TMCC1: variants seen among roughly 807,000 people sequenced by gnomAD.
The protein encoded by TMCC1 is transmembrane and coiled-coil domains protein 1.
In TMCC1, 15 loss-of-function variants were observed where a neutral mutation model predicts 52.4. That is an observed-to-expected ratio of 0.29 (90% CI 0.19 to 0.44). The LOEUF is 0.44. TMCC1 is among the 20% of genes least tolerant of loss of function. The pLI, the probability that TMCC1 is intolerant of heterozygous loss-of-function variation, is 1.00. For missense variants in TMCC1, 503 were observed against 806.0 expected, an observed-to-expected ratio of 0.62 and a Z score of 4.55; for synonymous variants, 279 against 301.9, an observed-to-expected ratio of 0.92 and a Z score of 0.79.
intron 4 of TMCC1, among the ~76,000 whole-genome samples, chr3:129,723,354 CTTTTT>C (rs2049786830): frequency 8.9e-6 from 1 of 112,900 alleles, no homozygotes; most frequent in Admixed American, 8.9e-5. Flanking sequence ...ACTAAGAAAT[CTTTTT>C]CTTTTTTTTT....
intron 4 of TMCC1, among the ~76,000 whole-genome samples, chr3:129,726,440 C>T (rs2050091841): frequency 6.6e-6 from 1 of 152,192 alleles, no homozygotes; most frequent in African/African-American, 2.4e-5. Context: ...TCTCGCTCTA[C>T]AGTCTAGCTA....
intron 4 of TMCC1, among the ~76,000 whole-genome samples, chr3:129,797,101 G>A (rs554300345): frequency 1.3e-5 from 2 of 151,872 alleles, no homozygotes; most frequent in East Asian, 2.0e-4. Context: ...TGAGGCAGGT[G>A]GATCACGAGG....
intron 4 of TMCC1, among the ~76,000 whole-genome samples, chr3:129,792,242 T>C (rs1171171502): frequency 1.3e-5 from 2 of 151,286 alleles, no homozygotes; most frequent in East Asian, 3.9e-4. Context: ...TCATTTTGAG[T>C]GTTCAATATG....
At chr3:129,688,240 A>T (rs566899372) in intron 4 of TMCC1, 6 of 985,194 alleles carry the variant, frequency 6.1e-6, no homozygotes, top group Non-Finnish European at 7.2e-6. Flanking sequence ...TCATTTGTGC[A>T]CTGCCAGAGA....
chr3:129,780,728 T>A lies in TMCC1; in HGVS notation c.576+47075A>T, dbSNP rs561911959. On this transcript the variant is annotated intron_variant, in intron 4 of 6. Coordinates refer to ENST00000393238, the MANE Select transcript of TMCC1 (RefSeq NM_001017395.5). ...ATGTCCTTCCTACATCTTATTTTCATTAAATTCTATTAATCCTTCCTTCTA... is the reference window on the plus strand; with the variant it reads ...ATGTCCTTCCTACATCTTATTTTCAATAAATTCTATTAATCCTTCCTTCTA... 3.9e-5 allele frequency among the ~76,000 whole-genome samples: 6 copies of A among 152,242 alleles called. No individual in the cohort carries two copies. The South Asian group carries it at 1.2e-3, about 32-fold the overall frequency.
chr3:129,867,272 T>C (rs902595219), intron 2 of TMCC1, among the ~76,000 whole-genome samples: 2 of 152,172 alleles, frequency 1.3e-5, no homozygotes, highest in Non-Finnish European at 2.9e-5. Flanking sequence ...AAATGTACGA[T>C]TCAAGTATCT....
intron 4 of TMCC1, among the ~76,000 whole-genome samples, chr3:129,684,537 A>C (rs1307551486): frequency 6.6e-6 from 1 of 152,188 alleles, no homozygotes; most frequent in East Asian, 1.9e-4. Context: ...ACTGAAAAAT[A>C]CTAGATGGAT....
chr3:129,833,454 C>T (rs2059012975), intron 2 of TMCC1, among the ~76,000 whole-genome samples: 1 of 152,142 alleles, frequency 6.6e-6, no homozygotes, highest in African/African-American at 2.4e-5. Flanking sequence ...CCTGTAGTCC[C>T]AGCTACTTGG....
At chr3:129,743,718 G>A (rs1490935441) in intron 4 of TMCC1, among the ~76,000 whole-genome samples, 1 of 152,098 alleles carries the variant, frequency 6.6e-6, no homozygotes, top group African/African-American at 2.4e-5. Flanking sequence ...GGCTACGATA[G>A]CTGGCAAATA....
chr3:129,727,091 ATC>A (rs1306048807), intron 4 of TMCC1, among the ~76,000 whole-genome samples: 2 of 151,888 alleles, frequency 1.3e-5, no homozygotes, highest in African/African-American at 4.8e-5. Flanking sequence ...TGTCATACCA[ATC>A]TGTTTTTTTA....
At chr3:129,879,057 T>C (rs1021430614) in intron 2 of TMCC1, among the ~76,000 whole-genome samples, 2 of 152,208 alleles carry the variant, frequency 1.3e-5, no homozygotes, top group African/African-American at 4.8e-5. Context: ...ACTCAACCCC[T>C]TCCCCTCAAT....
intron 4 of TMCC1, among the ~76,000 whole-genome samples, chr3:129,804,009 C>G (rs939312399): frequency 1.3e-5 from 2 of 152,030 alleles, no homozygotes; most frequent in African/African-American, 4.8e-5. Flanking sequence ...ATGCCCAGAG[C>G]ACGTTGAACA....
intron 4 of TMCC1, among the ~76,000 whole-genome samples, chr3:129,723,355 T>C (rs1015081206): frequency 7.4e-6 from 1 of 135,536 alleles, no homozygotes; most frequent in Non-Finnish European, 1.5e-5. Flanking sequence ...CTAAGAAATC[T>C]TTTTCTTTTT....
chr3:129,653,512 C>G (rs747302954), intron 6 of TMCC1, among the ~76,000 whole-genome samples: 6 of 152,226 alleles, frequency 3.9e-5, no homozygotes, highest in African/African-American at 2.4e-5. Context: ...GGCGCGATCT[C>G]AGCTCACTGC....
chr3:129,726,074 G>T (rs762330497), intron 4 of TMCC1, among the ~76,000 whole-genome samples: 9 of 152,120 alleles, frequency 5.9e-5, no homozygotes, highest in Non-Finnish European at 1.0e-4. Context: ...TGTATGTACA[G>T]GTACAGACTT....
At chr3:129,772,729 A>C (rs2054702014) in intron 4 of TMCC1, among the ~76,000 whole-genome samples, 4 of 151,354 alleles carry the variant, frequency 2.6e-5, no homozygotes, top group Non-Finnish European at 4.4e-5. Context: ...CCTCAAAAAA[A>C]AAAAAAAAAA....
chr3:129,872,177 C>T (rs1010450857), intron 2 of TMCC1, among the ~76,000 whole-genome samples: 1 of 152,228 alleles, frequency 6.6e-6, no homozygotes, highest in Non-Finnish European at 1.5e-5. Context: ...CCTTCTTCCT[C>T]ATTAACCAGA....
intron 1 of TMCC1, among the ~76,000 whole-genome samples, chr3:129,884,716 A>G (rs2061611183): frequency 6.6e-6 from 1 of 152,208 alleles, no homozygotes; most frequent in African/African-American, 2.4e-5. Flanking sequence ...TACTACATAA[A>G]CAGTGGTTTT....
chr3:129,829,452 CAAAAAAAAAAAA>C (rs138497403), intron 3 of TMCC1, among the ~76,000 whole-genome samples: 1 of 71,178 alleles, frequency 1.4e-5, no homozygotes, highest in African/African-American at 5.1e-5. Context: ...AAATCACATG[CAAAAAAAAAAAA>C]AAAAAAAAAG....
Sources: allele counts gnomAD v4.1 joint callset (sites outside exome capture counted in the v4.1 genomes callset), GRCh38; gene constraint gnomAD v4.1.1; transcripts MANE v1.5; gene names NCBI Gene and HGNC (gene_info 2026-07-23, HGNC 2026-07-21).